The following ARHGDIG variants were observed in gnomAD, a reference collection of about 807,000 sequenced individuals.
ARHGDIG encodes Rho GDP dissociation inhibitor gamma, also known as rho GDP-dissociation inhibitor 3.
A neutral mutation model predicts 20.2 loss-of-function variants in ARHGDIG; 14 were observed. That is an observed-to-expected ratio of 0.69 (90% CI 0.46 to 1.08). ARHGDIG has a LOEUF of 1.08. Ranked by LOEUF, ARHGDIG falls within the 50% of genes least tolerant of loss-of-function variation. The pLI, the probability that ARHGDIG is intolerant of heterozygous loss-of-function variation, is 0.00. For synonymous variants in ARHGDIG, 193 were observed against 138.6 expected, an observed-to-expected ratio of 1.39 and a Z score of -2.76; for missense variants, 311 against 301.8, an observed-to-expected ratio of 1.03 and a Z score of -0.23.
rs141891388 is a variant in ARHGDIG, at chr16:281,818, G to C, written c.146G>C (p.Arg49Pro). ...TTGGATGAGGCTGTGCCCGAGTACCGGGCGCCGGGGAGGAAGAGCCTCTTG... is the reference window on the plus strand; with the variant it reads ...TTGGATGAGGCTGTGCCCGAGTACCCGGCGCCGGGGAGGAAGAGCCTCTTG... ...EVLDEAVPEY[R>P]APGRKSLLEI... Residue 49 changes from arginine (R) to proline (P), a missense_variant, in exon 2 of 6, where the codon CGG (arginine) becomes CCG (proline). Transcript: ENST00000219409. 1.9e-6 allele frequency: 3 copies of C among 1,611,826 alleles called. No individual in the cohort carries two copies. The highest frequency in any genetic ancestry group is 1.7e-5 in the Admixed American group (1 of 59,986).
At chr16:282,186 C>G (rs903937618) in intron 3 of ARHGDIG, 78 bp downstream of exon 3, 8 of 1,606,552 alleles carry the variant, frequency 5.0e-6, no homozygotes, top group Admixed American at 3.3e-5. Context: ...GTTCCGAGCC[C>G]TGGGCCATCA....
chr16:282,181 G>A (rs1307081426), intron 3 of ARHGDIG, 73 bp downstream of exon 3: 18 of 1,606,736 alleles, frequency 1.1e-5, no homozygotes, highest in East Asian at 2.2e-5. Context: ...CCTGAGTTCC[G>A]AGCCCTGGGC....
chr16:282,884 C>G lies in ARHGDIG; in HGVS notation c.*70C>G. On this transcript the variant is annotated 3_prime_UTR_variant, in exon 6 of 6. Transcript: ENST00000219409. ...GGACCCCCAAGCATCCCCAGCACCCCCCGTGAGTGACCAGACCCTCCCCTG... is the reference window on the plus strand; with the variant it reads ...GGACCCCCAAGCATCCCCAGCACCCGCCGTGAGTGACCAGACCCTCCCCTG... 6.9e-7 allele frequency: 1 copy of G among 1,454,078 alleles called. No individual in the cohort carries two copies. The highest frequency in any genetic ancestry group is 1.3e-5 in the South Asian group (1 of 75,252). The allele number at this position is 1,454,078 out of a possible 1,614,324, so 90.1% of individuals were successfully genotyped here.
rs141891388 is a variant in ARHGDIG, at chr16:281,818, G to T, written c.146G>T (p.Arg49Leu). 1.2e-6 allele frequency: 2 copies of T among 1,611,708 alleles called. No individual in the cohort carries two copies. The highest frequency in any genetic ancestry group is 1.7e-6 in the Non-Finnish European group (2 of 1,179,716). ...EVLDEAVPEY[R>L]APGRKSLLEI... ...TTGGATGAGGCTGTGCCCGAGTACC[G>T]GGCGCCGGGGAGGAAGAGCCTCTTG... Residue 49 changes from arginine to leucine, a missense_variant, in exon 2 of 6, where the codon CGG becomes CTG. Physicochemically the swap from Arg to Leu is moderately radical, Grantham distance 102. Transcript: ENST00000219409.
chr16:280,800 G>A lies in ARHGDIG; in HGVS notation c.73+47G>A, dbSNP rs928409695. ...GGGGGGCTCGGCTGGTCTCAGCCCC[G>A]GGCGGGGAGTAGCCCCTCCCCCGCG... On this transcript the variant is annotated intron_variant, in intron 1 of 5. Coordinates refer to ENST00000219409, the MANE Select transcript of ARHGDIG (RefSeq NM_001176.4). This position sits in a 1 kb window ranked among gnomAD's most constrained non-coding sequence, Gnocchi z 6.6. 2 of 1,214,960 alleles carry A rather than the reference G, an allele frequency of 1.6e-6. No homozygotes were observed. The highest frequency in any genetic ancestry group is 1.0e-6 in the Non-Finnish European group (1 of 965,856). 75.3% of individuals were successfully genotyped at this position (1,214,960 alleles called of 1,614,324 possible). A position where few individuals can be genotyped will look rare whatever the true frequency, so the allele number is the denominator to read the frequency against.
At chr16:282,148 C>G (rs75289488) in intron 3 of ARHGDIG, 40 bp downstream of exon 3, 21 of 1,611,148 alleles carry the variant, frequency 1.3e-5, no homozygotes, top group Non-Finnish European at 1.6e-5. Context: ...CAGGTAGGGC[C>G]CTCCCAGGCA....
rs751743144 is a variant in ARHGDIG at position 282,693 on chromosome 16, C to T, written c.557C>T (p.Ala186Val). 1.7e-4 allele frequency: 275 copies of T among 1,601,120 alleles called. No homozygotes were observed. Among genetic ancestry groups the T allele is most frequent in the Non-Finnish European group, 2.2e-4 (262 of 1,173,734 alleles). The part of the protein sequence containing the change: ...EYEFVTPVEE[A>V]PRGALVRGPY... ...GAGTTTGTGACTCCGGTGGAGGAAG[C>T]GCCGAGGGGTGCGCTGGTGCGGGGC... Residue 186 changes from alanine to valine, a missense_variant, in exon 6 of 6, where the codon GCG (alanine) becomes GTG (valine). Physicochemically the swap from Ala to Val is moderately conservative, Grantham distance 64 (BLOSUM62 0). Coordinates refer to ENST00000219409, the MANE Select transcript of ARHGDIG (RefSeq NM_001176.4).
intron 1 of ARHGDIG, 148 bp from the exon 2 acceptor site, chr16:281,598 T>C: frequency 1.0e-6 from 1 of 990,070 alleles, no homozygotes; most frequent in South Asian, 1.8e-5. Context: ...CCCTGCTCTC[T>C]CTGCTCGCTC....
rs1415839441 is a variant in ARHGDIG, at chr16:280,617, G to T, written c.-64G>T. 1.3e-6 allele frequency: 1 copy of T among 787,938 alleles called. No homozygotes were observed. Among genetic ancestry groups the T allele is most frequent in the Non-Finnish European group, 1.5e-6 (1 of 653,740 alleles). 48.8% of individuals were successfully genotyped at this position (787,938 alleles called of 1,614,324 possible). A position where few individuals can be genotyped will look rare whatever the true frequency, so the allele number is the denominator to read the frequency against. On this transcript the variant is annotated 5_prime_UTR_variant, in exon 1 of 6. Coordinates refer to ENST00000219409, the MANE Select transcript of ARHGDIG (RefSeq NM_001176.4). This position sits in a 1 kb window ranked among gnomAD's most constrained non-coding sequence, Gnocchi z 6.6. ...GTCGCGCCGGGGCTGAGCGCCGAGC[G>T]GGGCGGCGGCGGGGCGGGCGGCGGC...
chr16:282,589 A>G lies in ARHGDIG; in HGVS notation c.479-26A>G, dbSNP rs775142881. 4.5e-6 allele frequency: 7 copies of G among 1,571,372 alleles called. No individual in the cohort carries two copies. The African/African-American group carries it at 9.4e-5, about 21-fold the overall frequency. ...GGGGAAGCGGGGGCAGACAGAGGAC[A>G]GCTCTGATGCCCTCGCCCTCCCTAG... On this transcript the variant is annotated intron_variant, in intron 5 of 5. Coordinates refer to ENST00000219409, the MANE Select transcript of ARHGDIG (RefSeq NM_001176.4).
At chr16:281,974 G>A (rs1260150665) in intron 2 of ARHGDIG, 49 bp downstream of exon 2, 3 of 1,599,962 alleles carry the variant, frequency 1.9e-6, no homozygotes, top group South Asian at 2.2e-5. Context: ...GGGCTGGTGA[G>A]GAGCCTGGTG....
chr16:280,760 G>T lies in ARHGDIG; in HGVS notation c.73+7G>T. 7.8e-7 allele frequency: 1 copy of T among 1,276,162 alleles called. No individual in the cohort carries two copies. The highest frequency in any genetic ancestry group is 2.2e-5 in the South Asian group (1 of 45,730). The allele number at this position is 1,276,162 out of a possible 1,614,324, so 79.1% of individuals were successfully genotyped here. A position where few individuals can be genotyped will look rare whatever the true frequency, so the allele number is the denominator to read the frequency against. ...CTGGCGCTGTGCGCCCGAGGTGAGC[G>T]GGCCGGGCAGGGGCGGGGGGCTCGG... On this transcript the variant is annotated splice_region_variant and intron_variant, in intron 1 of 5. Transcript: ENST00000219409. This position sits in a 1 kb window ranked among gnomAD's most constrained non-coding sequence, Gnocchi z 6.6.
rs371686706 is a variant in ARHGDIG, at chr16:282,745, C to T, written c.609C>T (p.Thr203=). 8.9e-5 allele frequency: 143 copies of T among 1,607,212 alleles called. No homozygotes were observed. The Admixed American group carries it at 1.6e-3, about 18-fold the overall frequency. ...RGPYLVVSLF[T]DDDRTHHLSW... Reference sequence around the variant, plus strand: ...CCTATCTGGTGGTGTCCCTCTTCACCGACGATGACAGGACGCACCACCTGT... The same window carrying T: ...CCTATCTGGTGGTGTCCCTCTTCACTGACGATGACAGGACGCACCACCTGT... Residue 203 remains threonine, a synonymous_variant, in exon 6 of 6, where the codon ACC becomes ACT. Transcript: ENST00000219409.
chr16:282,992 T>G lies in ARHGDIG; in HGVS notation c.*178T>G. On this transcript the variant is annotated 3_prime_UTR_variant, in exon 6 of 6. Coordinates refer to ENST00000219409, the MANE Select transcript of ARHGDIG (RefSeq NM_001176.4). ...GTCCCCTGAGCTGTCCCATTAAACA[T>G]GGCCCTGTCTCTCTCGGTGCCCTGG... 1 of 876,268 alleles carries G rather than the reference T, an allele frequency of 1.1e-6. No homozygotes were observed. The highest frequency in any genetic ancestry group is 1.9e-5 in the South Asian group (1 of 53,916). The allele number at this position is 876,268 out of a possible 1,614,324, so 54.3% of individuals were successfully genotyped here.
chr16:280,680 C>G lies in ARHGDIG; in HGVS notation c.-1C>G. ...CCGCGGCGCCCGGGCCGCGCGCCGCCATGCTGGGCCTGGACGCGTGCGAGC... is the reference window on the plus strand; with the variant it reads ...CCGCGGCGCCCGGGCCGCGCGCCGCGATGCTGGGCCTGGACGCGTGCGAGC... On this transcript the variant is annotated 5_prime_UTR_variant, in exon 1 of 6. Transcript: ENST00000219409. This position sits in a 1 kb window ranked among gnomAD's most constrained non-coding sequence, Gnocchi z 6.6. 11 of 1,109,494 alleles carry G rather than the reference C, an allele frequency of 9.9e-6. No homozygotes were observed. The highest frequency in any genetic ancestry group is 1.2e-5 in the Non-Finnish European group (11 of 909,688). 68.7% of individuals were successfully genotyped at this position (1,109,494 alleles called of 1,614,324 possible).
In ARHGDIG at chr16:281,912, G is replaced by A. The variant is rs373658766; in HGVS notation, c.240G>A (p.Leu80=). 3 of 1,605,218 alleles carry A rather than the reference G, an allele frequency of 1.9e-6. No homozygotes were observed. Among genetic ancestry groups the A allele is most frequent in the East Asian group, 4.5e-5 (2 of 44,776 alleles). ...ACAAGCGGGTGCTGCTGGGGCCCCT[G>A]CCACCGGCCGTGGGTATGGCAGGGG... The part of the protein sequence containing the change: ...AKYKRVLLGP[L]PPAVDPSLPN... Residue 80 remains leucine, a synonymous_variant, in exon 2 of 6, where the codon CTG becomes CTA. Transcript: ENST00000219409.
chr16:281,875 G>A lies in ARHGDIG; in HGVS notation c.203G>A (p.Ser68Asn), dbSNP rs1450456564. Reference sequence around the variant, plus strand: ...CGGCAGCTGGACCCGGACGACAGGAGCCTGGCCAAGTACAAGCGGGTGCTG... The same window carrying A: ...CGGCAGCTGGACCCGGACGACAGGAACCTGGCCAAGTACAAGCGGGTGCTG... ...EIRQLDPDDRSLAKYKRVLLG... is the reference protein window; with the variant it reads ...EIRQLDPDDRNLAKYKRVLLG... The change falls in exon 2 of 6, where the codon AGC (serine) becomes AAC (asparagine). Residue 68 changes from serine (S) to asparagine (N), a missense_variant. Ser to Asn is a conservative substitution (Grantham distance 46). Transcript: ENST00000219409. 1 of 1,610,462 alleles carries A rather than the reference G, an allele frequency of 6.2e-7. No homozygotes were observed. The highest frequency in any genetic ancestry group is 1.7e-5 in the Admixed American group (1 of 59,996).
chr16:282,447 C>G lies in ARHGDIG; in HGVS notation c.415-20C>G, dbSNP rs753649528. ...CAGAGGCCTGGCCCCCAGAGGAACC[C>G]CTAATGCCTCTGTTCCCAGGTCCAC... On this transcript the variant is annotated intron_variant, in intron 4 of 5. Transcript: ENST00000219409. 6.2e-7 allele frequency: 1 copy of G among 1,612,120 alleles called. No individual in the cohort carries two copies. Among genetic ancestry groups the G allele is most frequent in the Non-Finnish European group, 8.5e-7 (1 of 1,179,902 alleles).
intron 3 of ARHGDIG, 73 bp from the exon 4 acceptor site, chr16:282,224 C>A: frequency 1.9e-6 from 3 of 1,607,588 alleles, no homozygotes; most frequent in Non-Finnish European, 2.6e-6. Flanking sequence ...GGTACCACAC[C>A]CTACGTGGGG....
Sources: allele counts gnomAD v4.1 joint callset, GRCh38; gene constraint gnomAD v4.1.1; non-coding constraint Gnocchi (gnomAD v3.1); transcripts MANE v1.5; gene names NCBI Gene and HGNC (gene_info 2026-07-23, HGNC 2026-07-21).